Variants in GNPTAB observed in about 807,000 individuals in gnomAD.
GNPTAB encodes N-acetylglucosamine-1-phosphate transferase subunits alpha and beta, also known as N-acetylglucosamine-1-phosphotransferase subunits alpha/beta.
Under a neutral mutation model 136.6 loss-of-function variants are expected in GNPTAB, and 92 were observed. The observed-to-expected ratio is 0.67, with a 90% CI of 0.57 to 0.80. The LOEUF is 0.80. GNPTAB is among the 30% of genes least tolerant of loss of function. The pLI is 0.00. For missense variants in GNPTAB, 1,343 were observed against 1,501.8 expected (o/e 0.89, Z 1.75); for synonymous variants, 512 against 535.1 (o/e 0.96, Z 0.60).
intron 19 of GNPTAB, among the ~76,000 whole-genome samples, chr12:101,752,579 T>C (rs1229127056): frequency 6.6e-6 from 1 of 152,234 alleles, no homozygotes; most frequent in East Asian, 1.9e-4. Context: ...ACTATTTCAG[T>C]ATGAATTCTC....
At chr12:101,786,286 T>C in intron 4 of GNPTAB, 69 bp from the exon 5 acceptor site, 2 of 1,258,722 alleles carry the variant, frequency 1.6e-6, no homozygotes, top group Non-Finnish European at 2.3e-6. Context: ...AAGCTTGTCA[T>C]ACTACTAAAT....
In GNPTAB at chr12:101,766,328, G is replaced by A. The variant is rs141708385; in HGVS notation, c.1409-34C>T. On this transcript the variant is annotated intron_variant, in intron 11 of 20. Coordinates refer to ENST00000299314, the MANE Select transcript of GNPTAB (RefSeq NM_024312.5). ...CGGAGGAAGAAGAGGGATTCTTGCT[G>A]TAATTACAATTTTGAAAGACAGTTC... is the stretch of plus-strand genomic sequence containing the variant. 1.8e-3 allele frequency: 2,875 copies of A among 1,570,286 alleles called. 42 individuals are homozygous for A. The African/African-American group carries it at 0.034, about 19-fold the overall frequency.
chr12:101,824,822 G>A (rs911531735), intron 1 of GNPTAB, among the ~76,000 whole-genome samples: 7 of 152,024 alleles, frequency 4.6e-5, no homozygotes, highest in African/African-American at 1.7e-4. Flanking sequence ...GTCTGAGTTG[G>A]GAGTCTGTCA....
At chr12:101,816,160 G>C (rs779442691) in intron 1 of GNPTAB, among the ~76,000 whole-genome samples, 6 of 152,086 alleles carry the variant, frequency 3.9e-5, no homozygotes, top group Admixed American at 6.6e-5. Flanking sequence ...AAGACCTAAA[G>C]AGAATACACA....
intron 1 of GNPTAB, among the ~76,000 whole-genome samples, chr12:101,827,182 T>C (rs1422578414): frequency 2.0e-5 from 3 of 152,050 alleles, no homozygotes; most frequent in Non-Finnish European, 4.4e-5. Flanking sequence ...CAGGCTTAAG[T>C]GCAGTGGTGC....
At chr12:101,814,542 C>A (rs2137179259) in intron 1 of GNPTAB, among the ~76,000 whole-genome samples, 1 of 152,044 alleles carries the variant, frequency 6.6e-6, no homozygotes, top group Admixed American at 6.5e-5. Flanking sequence ...ACTGAAAATA[C>A]AAAAATTAGC....
intron 7 of GNPTAB, chr12:101,773,385 C>A: frequency 3.5e-6 from 1 of 289,596 alleles, no homozygotes; most frequent in Non-Finnish European, 6.8e-6. Context: ...TACATTTTCA[C>A]GAAGTCCCGA....
chr12:101,827,840 C>T (rs1200049160), intron 1 of GNPTAB, among the ~76,000 whole-genome samples: 1 of 152,078 alleles, frequency 6.6e-6, no homozygotes, highest in Admixed American at 6.6e-5. Flanking sequence ...ATGGCGGGTG[C>T]CTATAATCCC....
chr12:101,808,559 A>T (rs2137171947), intron 1 of GNPTAB, among the ~76,000 whole-genome samples: 1 of 152,126 alleles, frequency 6.6e-6, no homozygotes, highest in East Asian at 1.9e-4. Context: ...AAAGAAAGAA[A>T]ATCTAGGTGA....
intron 7 of GNPTAB, among the ~76,000 whole-genome samples, chr12:101,776,357 G>A (rs969201462): frequency 5.3e-5 from 8 of 152,126 alleles, no homozygotes; most frequent in African/African-American, 1.4e-4. Context: ...TTCTGTGTCC[G>A]TCATACACAA....
intron 1 of GNPTAB, among the ~76,000 whole-genome samples, chr12:101,827,274 C>CT (rs773907910): frequency 7.9e-5 from 12 of 151,902 alleles, no homozygotes; most frequent in South Asian, 2.1e-4. Flanking sequence ...GACTACTCTA[C>CT]TTTTTTTGCA....
At chr12:101,801,153 G>C (rs947596765) in intron 1 of GNPTAB, among the ~76,000 whole-genome samples, 3 of 135,626 alleles carry the variant, frequency 2.2e-5, no homozygotes, top group African/African-American at 8.3e-5. Flanking sequence ...TATTGTTTGA[G>C]CCCAAGAGGT....
chr12:101,775,610 G>A (rs1404998866), intron 7 of GNPTAB, among the ~76,000 whole-genome samples: 6 of 151,678 alleles, frequency 4.0e-5, no homozygotes, highest in African/African-American at 1.2e-4. Context: ...TGATCTGCCC[G>A]CCTCGGCCTC....
chr12:101,800,296 G>A (rs1192741847), intron 1 of GNPTAB, among the ~76,000 whole-genome samples: 3 of 151,754 alleles, frequency 2.0e-5, no homozygotes, highest in Non-Finnish European at 4.4e-5. Flanking sequence ...ACCAGCCTGA[G>A]CAACACAGTG....
chr12:101,757,679 TC>T lies in GNPTAB; in HGVS notation c.3250-23del, dbSNP rs781192669. On this transcript the variant is annotated intron_variant, in intron 16 of 20. Transcript: ENST00000299314. ...GTGGCTATGAGAAAATATAAGTAGA[TC>T]AGATATCACATCAGAGCTGAAACTA... is the stretch of plus-strand genomic sequence containing the variant. 2.5e-6 allele frequency: 3 copies of T among 1,180,516 alleles called. No homozygotes were observed. In the South Asian group the frequency reaches 3.6e-5, roughly 14 times the overall value. The allele number at this position is 1,180,516 out of a possible 1,614,324, so 73.1% of individuals were successfully genotyped here. A position where few individuals can be genotyped will look rare whatever the true frequency, so the allele number is the denominator to read the frequency against.
intron 1 of GNPTAB, among the ~76,000 whole-genome samples, chr12:101,822,605 G>A (rs140810077): frequency 1.8e-4 from 28 of 152,236 alleles, no homozygotes; most frequent in Non-Finnish European, 3.1e-4. Context: ...GTGAGAAGAT[G>A]CCCACTGTGG....
chr12:101,748,342 A>G (rs192184273), intron 20 of GNPTAB, among the ~76,000 whole-genome samples: 5 of 152,330 alleles, frequency 3.3e-5, no homozygotes, highest in African/African-American at 9.6e-5. Flanking sequence ...AGTGACAGCT[A>G]GAAAAGCTCC....
At chr12:101,793,408 T>C (rs1236859322) in intron 2 of GNPTAB, among the ~76,000 whole-genome samples, 2 of 152,200 alleles carry the variant, frequency 1.3e-5, no homozygotes, top group East Asian at 3.8e-4. Context: ...TTCCTGCTAC[T>C]AAATATTTTT....
At chr12:101,799,823 C>T (rs916758244) in intron 1 of GNPTAB, among the ~76,000 whole-genome samples, 2 of 149,332 alleles carry the variant, frequency 1.3e-5, no homozygotes, top group Non-Finnish European at 3.0e-5. Context: ...GTCTACCTGC[C>T]GCAAAACACA....
Sources: gnomAD v4.1 joint callset for allele counts (sites outside exome capture counted in the v4.1 genomes callset) on GRCh38, gnomAD v4.1.1 for gene constraint, MANE v1.5 for transcripts, NCBI Gene and HGNC (gene_info 2026-07-23, HGNC 2026-07-21) for gene names.